Variants in URI1 observed in about 807,000 individuals in gnomAD.
URI1 encodes the protein unconventional prefoldin RPB5 interactor 1.
A neutral mutation model predicts 60.2 loss-of-function variants in URI1; 39 were observed. The ratio of observed to expected loss-of-function variants is 0.65; its 90% CI spans 0.50 to 0.85. The LOEUF (loss-of-function observed/expected upper bound fraction) is 0.85, where lower values mean the gene tolerates loss of function less well. Among genes scored for constraint, URI1 ranks in the 40% least tolerant of loss-of-function variants. The pLI, the probability that URI1 is intolerant of heterozygous loss-of-function variation, is 0.00. For missense variants in URI1, 691 were observed against 665.9 expected (o/e 1.04, Z -0.42); for synonymous variants, 251 against 236.8 (o/e 1.06, Z -0.55).
chr19:30,008,909 A>G, intron 7 of URI1, 96 bp from the exon 8 acceptor site: 1 of 948,432 alleles, frequency 1.1e-6, no homozygotes, highest in East Asian at 2.7e-5. Flanking sequence ...ACTTTATTCA[A>G]GATCTTAGTA....
At chr19:29,954,590 C>T (rs1231938127) in intron 1 of URI1, among the ~76,000 whole-genome samples, 3 of 148,738 alleles carry the variant, frequency 2.0e-5, no homozygotes, top group Non-Finnish European at 3.0e-5. Context: ...TCTCGGCTCA[C>T]TGCAACCTCC....
At chr19:29,981,592 A>G (rs974518174) in intron 2 of URI1, among the ~76,000 whole-genome samples, 1 of 152,084 alleles carries the variant, frequency 6.6e-6, no homozygotes, top group African/African-American at 2.4e-5. Flanking sequence ...CCTTATACCT[A>G]TGCTTTTAGT....
intron 1 of URI1, among the ~76,000 whole-genome samples, chr19:29,953,669 C>G (rs1001107422): frequency 7.0e-6 from 1 of 143,790 alleles, no homozygotes; most frequent in Non-Finnish European, 1.5e-5. Flanking sequence ...CATAATTCTT[C>G]CATTTTCTCA....
At chr19:29,945,529 T>C (rs749415840) in intron 1 of URI1, among the ~76,000 whole-genome samples, 4 of 152,248 alleles carry the variant, frequency 2.6e-5, no homozygotes, top group Admixed American at 2.6e-4. Context: ...TATTTTAACA[T>C]TGCTTTCACT....
intron 1 of URI1, among the ~76,000 whole-genome samples, chr19:29,951,813 G>T (rs755948441): frequency 6.6e-6 from 1 of 152,160 alleles, no homozygotes; most frequent in Non-Finnish European, 1.5e-5. Flanking sequence ...CTCCCAAAGT[G>T]CTGGGATTAC....
chr19:30,013,280 A>G (rs1397356468), intron 10 of URI1, among the ~76,000 whole-genome samples: 8 of 152,236 alleles, frequency 5.3e-5, no homozygotes. Flanking sequence ...ATACAATAAG[A>G]TACATGCATA....
intron 2 of URI1, among the ~76,000 whole-genome samples, chr19:29,975,463 C>T (rs1045042158): frequency 2.3e-4 from 34 of 150,542 alleles, no homozygotes; most frequent in Admixed American, 1.9e-3. Flanking sequence ...TGTATAGGTT[C>T]CTCCTAACTT....
intron 4 of URI1, among the ~76,000 whole-genome samples, chr19:29,996,621 C>G (rs534034259): frequency 6.6e-6 from 1 of 152,018 alleles, no homozygotes; most frequent in Non-Finnish European, 1.5e-5. Context: ...ATTGCTCTAG[C>G]TAGAACTTCT....
chr19:29,970,942 G>A (rs536198597), intron 1 of URI1, among the ~76,000 whole-genome samples: 7 of 152,120 alleles, frequency 4.6e-5, no homozygotes, highest in African/African-American at 1.7e-4. Context: ...GTTATGAAGC[G>A]GGTTTTGTAC....
chr19:29,955,084 C>G (rs1439487759), intron 1 of URI1, among the ~76,000 whole-genome samples: 3 of 151,612 alleles, frequency 2.0e-5, no homozygotes, highest in Non-Finnish European at 4.4e-5. Context: ...GGCTCCGCCT[C>G]CCGGGTTCAT....
intron 1 of URI1, among the ~76,000 whole-genome samples, chr19:29,935,462 T>C (rs2054960544): frequency 6.6e-6 from 1 of 152,196 alleles, no homozygotes; most frequent in African/African-American, 2.4e-5. Flanking sequence ...TACTGGCTTT[T>C]ATATTTACTG....
intron 1 of URI1, chr19:29,957,136 G>T: frequency 2.4e-6 from 1 of 414,178 alleles, no homozygotes; most frequent in South Asian, 2.5e-5. Context: ...TTTATGTTTT[G>T]AAATTTTAAA....
chr19:29,971,482 AATATTAATATC>A (rs1219700369), intron 2 of URI1, among the ~76,000 whole-genome samples: 1 of 152,030 alleles, frequency 6.6e-6, no homozygotes, highest in African/African-American at 2.4e-5. Flanking sequence ...TTCTAAGAAT[AATATTAATATC>A]ATTATGAATT....
upstream of URI1, among the ~76,000 whole-genome samples, chr19:29,938,515 A>T (rs1178313986): frequency 1.3e-5 from 2 of 152,120 alleles, no homozygotes. Flanking sequence ...TGAGGGAACA[A>T]TATCCAAACC....
At chr19:29,980,058 G>GA (rs1181867565) in intron 2 of URI1, 3 of 151,856 alleles carry the variant, frequency 2.0e-5, no homozygotes, top group East Asian at 3.8e-4. Flanking sequence ...AGGATACTTT[G>GA]AAAAAAATCA....
chr19:29,966,087 A>G lies in URI1; in HGVS notation c.118-5106A>G, dbSNP rs537797482. On this transcript the variant is annotated intron_variant, in intron 1 of 10. Coordinates refer to ENST00000392271, the MANE Select transcript of URI1 (RefSeq NM_003796.3). ...CAGTTTTGCTTTGCAGCATATTTGG[A>G]ACATAATTTGTTTAAAATTGAAATG... Among the ~76,000 whole-genome samples, 64 of 152,330 alleles carry G rather than the reference A, an allele frequency of 4.2e-4. 1 individual carries two copies. The South Asian group carries it at 0.013, about 31-fold the overall frequency.
At chr19:29,970,513 A>T (rs1186745392) in intron 1 of URI1, among the ~76,000 whole-genome samples, 2 of 152,082 alleles carry the variant, frequency 1.3e-5, no homozygotes, top group African/African-American at 4.8e-5. Context: ...ATCTACTGAC[A>T]TATCTCCAAG....
chr19:29,992,197 G>A (rs977067488), intron 4 of URI1, among the ~76,000 whole-genome samples: 2 of 152,166 alleles, frequency 1.3e-5, no homozygotes, highest in Non-Finnish European at 2.9e-5. Flanking sequence ...AGCCTCCCGA[G>A]TAGTGGGGAT....
In URI1 at chr19:29,942,434, GGGGCGCGCGGTGCCTGAGGGC is replaced by G. The variant is rs1277136022; in HGVS notation, c.-103_-83del. On this transcript the variant is annotated 5_prime_UTR_variant, in exon 1 of 11. Transcript: ENST00000392271. Reference sequence around the variant, plus strand: ...GCGGCGGGCGCGGCCTCCTGGGCGCGGGGCGCGCGGTGCCTGAGGGCGGGCGCGCGGGCGCTGGGCAACTGC... The same window carrying G: ...GCGGCGGGCGCGGCCTCCTGGGCGCGGGGCGCGCGGGCGCTGGGCAACTGC... 1.2e-5 allele frequency: 12 copies of G among 986,092 alleles called. No individual in the cohort carries two copies. The South Asian group carries it at 1.4e-4, about 11-fold the overall frequency. The allele number at this position is 986,092 out of a possible 1,614,324, so 61.1% of individuals were successfully genotyped here.
Sources: allele counts gnomAD v4.1 joint callset (sites outside exome capture counted in the v4.1 genomes callset), GRCh38; gene constraint gnomAD v4.1.1; transcripts MANE v1.5; gene names NCBI Gene and HGNC (gene_info 2026-07-23, HGNC 2026-07-21).